Variants in FLT1 observed in about 807,000 individuals in gnomAD.
The protein encoded by FLT1 is fms related receptor tyrosine kinase 1.
In FLT1, 49 loss-of-function variants were observed where a neutral mutation model predicts 156.3. That is an observed-to-expected ratio of 0.31 (90% confidence interval 0.25 to 0.40). The LOEUF (loss-of-function observed/expected upper bound fraction) is 0.40. Ranked by LOEUF, FLT1 falls within the 10% of genes least tolerant of loss-of-function variation. The pLI is 1.00. For synonymous variants in FLT1, 594 were observed against 583.8 expected (o/e 1.02, Z -0.25); for missense variants, 1,322 against 1,637.2 (o/e 0.81, Z 3.32).
intron 2 of FLT1, 63 bp from the exon 3 acceptor site, chr13:28,467,192 C>T (rs1879898628): frequency 8.2e-7 from 1 of 1,218,840 alleles, no homozygotes; most frequent in Non-Finnish European, 1.2e-6. Flanking sequence ...AGCACCAGTT[C>T]CTCAGCATTC....
At position 28,322,383 on chromosome 13, in the gene FLT1, T is replaced by C. The variant is rs1871496268; in HGVS notation, c.2954-24A>G. 2 of 1,414,828 alleles carry C rather than the reference T, an allele frequency of 1.4e-6. No homozygotes were observed. The highest frequency in any genetic ancestry group is 4.5e-5 in the East Asian group (2 of 43,958). The allele number at this position is 1,414,828 out of a possible 1,614,324, so 87.6% of individuals were successfully genotyped here. A position where few individuals can be genotyped will look rare whatever the true frequency, so the allele number is the denominator to read the frequency against. On this transcript the variant is annotated intron_variant, in intron 21 of 29. Coordinates refer to ENST00000282397, the MANE Select transcript of FLT1 (RefSeq NM_002019.4). The surrounding 1 kb of genome is among the most constrained non-coding windows in gnomAD (Gnocchi z 4.3). ...ATCTGGAAAGCATTAGAACCGTAAC[T>C]GTTTGTAATGGCTCTTGTTATCCCA...
At chr13:28,328,246 C>T (rs561304751) in intron 19 of FLT1, 1 of 152,034 alleles carries the variant, frequency 6.6e-6, no homozygotes, top group East Asian at 1.9e-4. Flanking sequence ...TTATTTTTTC[C>T]CCCAACTTTA....
At chr13:28,475,825 C>T (rs1275115137) in intron 1 of FLT1, among the ~76,000 whole-genome samples, 1 of 152,160 alleles carries the variant, frequency 6.6e-6, no homozygotes, top group Non-Finnish European at 1.5e-5. Flanking sequence ...TAAATGGAGA[C>T]TACACTACCA....
intron 16 of FLT1, among the ~76,000 whole-genome samples, chr13:28,341,162 C>T (rs1872319067): frequency 6.6e-6 from 1 of 152,146 alleles, no homozygotes; most frequent in African/African-American, 2.4e-5. Flanking sequence ...CGGTGGTAGG[C>T]AGTCTCCCAC....
Position 28,453,017 on chromosome 13 carries a change from TC to T in FLT1, c.388+13885del, listed in dbSNP as rs1438754387. Among the ~76,000 whole-genome samples, 13 of 8,086 alleles carry T rather than the reference TC, an allele frequency of 1.6e-3. 1 individual carries two copies. The highest frequency in any genetic ancestry group is 0.011 in the African/African-American group (12 of 1,134). 5.3% of individuals were successfully genotyped at this position (8,086 alleles called of 152,430 possible). ...ATTTCTTCCTTTCCTCCCCTCCCCC[TC>T]CCCCTCCCCTTTCCTTTCCTTTCCT... is the stretch of plus-strand genomic sequence containing the variant. On this transcript the variant is annotated intron_variant, in intron 3 of 29. Transcript: ENST00000282397.
In FLT1 at chr13:28,305,278, T is replaced by C. The variant is rs979855306; in HGVS notation, c.3815+1400A>G. On this transcript the variant is annotated intron_variant, in intron 29 of 29. Transcript: ENST00000282397. ...TCCCTCTGTCACCCAGGCTAGAGTG[T>C]AGTGGTGCAATTGTGGCTCACTGCA... Among the ~76,000 whole-genome samples, 3 of 152,156 alleles carry C rather than the reference T, an allele frequency of 2.0e-5. 1 individual carries two copies. Among genetic ancestry groups the C allele is most frequent in the South Asian group, 4.1e-4 (2 of 4,826 alleles).
At chr13:28,386,032 A>T in intron 13 of FLT1, 1 of 1,053,178 alleles carries the variant, frequency 9.5e-7, no homozygotes, top group Non-Finnish European at 1.1e-6. Flanking sequence ...TGGAACAGAA[A>T]TCAAAAGAGT....
chr13:28,311,129 T>C (rs578126049), intron 27 of FLT1, among the ~76,000 whole-genome samples: 17 of 152,208 alleles, frequency 1.1e-4, no homozygotes, highest in South Asian at 6.2e-4. Flanking sequence ...GGCTAATTTT[T>C]AAATTTTTAG....
intron 10 of FLT1, among the ~76,000 whole-genome samples, chr13:28,425,041 A>G (rs1877260362): frequency 6.6e-6 from 1 of 152,176 alleles, no homozygotes. Context: ...TCTGGTGTAC[A>G]AAGTTTCTAC....
chr13:28,482,688 G>A (rs1880931004), intron 1 of FLT1, among the ~76,000 whole-genome samples: 1 of 152,040 alleles, frequency 6.6e-6, no homozygotes, highest in South Asian at 2.1e-4. Context: ...CAACAACCAA[G>A]CAAACTTTAT....
intron 14 of FLT1, among the ~76,000 whole-genome samples, chr13:28,365,997 G>A (rs1308958297): frequency 6.6e-6 from 1 of 152,168 alleles, no homozygotes; most frequent in Non-Finnish European, 1.5e-5. Context: ...AGAATAGAAA[G>A]CCTGTCTCCC....
At chr13:28,469,448 C>T (rs1880028344) in intron 1 of FLT1, among the ~76,000 whole-genome samples, 1 of 152,222 alleles carries the variant, frequency 6.6e-6, no homozygotes. Context: ...AGCTTTTCCA[C>T]CTACTGACTG....
At chr13:28,419,255 G>A (rs1489718664) in intron 10 of FLT1, among the ~76,000 whole-genome samples, 1 of 152,106 alleles carries the variant, frequency 6.6e-6, no homozygotes, top group Non-Finnish European at 1.5e-5. Flanking sequence ...AAAGGGCACT[G>A]ATTTTACATT....
intron 1 of FLT1, among the ~76,000 whole-genome samples, chr13:28,477,798 G>A (rs552977640): frequency 2.2e-4 from 34 of 152,252 alleles, no homozygotes; most frequent in African/African-American, 7.9e-4. Context: ...CTGACGTCAC[G>A]TCTTATAGAA....
intron 12 of FLT1, among the ~76,000 whole-genome samples, chr13:28,392,569 T>TCG (rs1874804519): frequency 1.3e-5 from 2 of 152,194 alleles, no homozygotes; most frequent in African/African-American, 4.8e-5. Flanking sequence ...TGTAGAGAGT[T>TCG]TCTATTTACT....
intron 14 of FLT1, among the ~76,000 whole-genome samples, chr13:28,378,921 T>C (rs2137439879): frequency 6.6e-6 from 1 of 152,250 alleles, no homozygotes; most frequent in South Asian, 2.1e-4. Flanking sequence ...TATTATAAAA[T>C]AAACACATGT....
intron 14 of FLT1, among the ~76,000 whole-genome samples, chr13:28,370,751 A>G (rs1873522634): frequency 6.6e-6 from 1 of 152,150 alleles, no homozygotes; most frequent in South Asian, 2.1e-4. Flanking sequence ...ACATGCATGT[A>G]AGTTTGTGCG....
intron 15 of FLT1, among the ~76,000 whole-genome samples, chr13:28,351,745 C>T (rs1282061010): frequency 3.9e-5 from 6 of 152,172 alleles, no homozygotes; most frequent in South Asian, 2.1e-4. Flanking sequence ...TCTTTTTTCA[C>T]AAGTTAAATC....
At chr13:28,467,376 C>T (rs749371084) in intron 2 of FLT1, 145 bp downstream of exon 2, 10 of 692,514 alleles carry the variant, frequency 1.4e-5, no homozygotes, top group Non-Finnish European at 2.3e-5. Context: ...CCATGAATCC[C>T]CTTTCATGGG....
Sources: allele counts gnomAD v4.1 joint callset (sites outside exome capture counted in the v4.1 genomes callset), GRCh38; gene constraint gnomAD v4.1.1; non-coding constraint Gnocchi (gnomAD v3.1); transcripts MANE v1.5; gene names NCBI Gene and HGNC (gene_info 2026-07-23, HGNC 2026-07-21).